Variants in CENPF observed in about 807,000 individuals in gnomAD.
CENPF encodes AH antigen.
A neutral mutation model predicts 307.3 loss-of-function variants in CENPF; 214 were observed. The observed-to-expected ratio is 0.70, with a 90% CI of 0.62 to 0.78. CENPF has a LOEUF of 0.78. CENPF is among the 30% of genes least tolerant of loss of function. CENPF has a pLI of 0.00. For missense variants in CENPF, 3,401 were observed against 3,483.9 expected (o/e 0.98, Z 0.60); for synonymous variants, 1,259 against 1,270.6 (o/e 0.99, Z 0.19).
At chr1:214,625,004 G>A (rs888429540) in intron 7 of CENPF, among the ~76,000 whole-genome samples, 2 of 151,702 alleles carry the variant, frequency 1.3e-5, no homozygotes, top group Admixed American at 6.6e-5. Context: ...TGTCTTGGTG[G>A]ATTGACCCTT....
rs748962680 is a variant in CENPF, at chr1:214,640,533, T to A, written c.2195T>A (p.Val732Asp). 3.1e-6 allele frequency: 5 copies of A among 1,614,032 alleles called. No homozygotes were observed. The African/African-American group carries it at 6.7e-5, about 22-fold the overall frequency. ...CLKTSQLTGQ[V>D]EDLEHKLQLL... ...AAGACTTCTCAGCTTACTGGGCAAG[T>A]TGAAGATCTAGAACACAAGCTTCAG... The change falls in exon 12 of 20, where the codon GTT (valine) becomes GAT (aspartate). Residue 732 changes from valine (V) to aspartate (D), a missense_variant. Coordinates refer to ENST00000366955, the MANE Select transcript of CENPF (RefSeq NM_016343.4).
In CENPF at chr1:214,613,715, T is replaced by A; in HGVS notation, c.-40T>A. On this transcript the variant is annotated splice_region_variant and 5_prime_UTR_variant, in exon 2 of 20. Coordinates refer to ENST00000366955, the MANE Select transcript of CENPF (RefSeq NM_016343.4). ...CAACAGTCTGGTTATTCTTTTCAGT[T>A]TATTTACAAATGTTGGAGTAATAAA... 1 of 1,544,928 alleles carries A rather than the reference T, an allele frequency of 6.5e-7. No homozygotes were observed. The highest frequency in any genetic ancestry group is 8.7e-7 in the Non-Finnish European group (1 of 1,148,082).
chr1:214,641,468 A>G lies in CENPF; in HGVS notation c.3130A>G (p.Lys1044Glu). 1 of 1,539,274 alleles carries G rather than the reference A, an allele frequency of 6.5e-7. No homozygotes were observed. Among genetic ancestry groups the G allele is most frequent in the Non-Finnish European group, 8.7e-7 (1 of 1,151,970 alleles). The change falls in exon 12 of 20, where the codon AAA (lysine) becomes GAA (glutamate). Residue 1044 changes from lysine to glutamate, a missense_variant. Physicochemically the swap from Lys to Glu is moderately conservative, Grantham distance 56. Coordinates refer to ENST00000366955, the MANE Select transcript of CENPF (RefSeq NM_016343.4). Reference sequence around the variant, plus strand: ...ATATGAGGATCTTAGTCAAAAATACAAAGCAGCACAGGAAAAGAATTCTAA... The same window carrying G: ...ATATGAGGATCTTAGTCAAAAATACGAAGCAGCACAGGAAAAGAATTCTAA... ...NAYEDLSQKY[K>E]AAQEKNSKLE...
chr1:214,642,519 CA>C lies in CENPF; in HGVS notation c.4182del (p.Leu1395CysfsTer34). ...LDESNSYEHL[T>X]LSDKEVQMHF... is the part of the protein sequence containing the mutation. Reference sequence around the variant, plus strand: ...GAGAGTAATTCCTACGAGCACTTGACATTGTCAGACAAAGAAGTTCAAATGC... The same window carrying C: ...GAGAGTAATTCCTACGAGCACTTGACTTGTCAGACAAAGAAGTTCAAATGC... On this transcript the variant is annotated frameshift_variant, in exon 12 of 20. Transcript: ENST00000366955. LOFTEE classifies it high-confidence loss of function. 6.2e-7 allele frequency: 1 copy of C among 1,612,258 alleles called. No homozygotes were observed. Among genetic ancestry groups the C allele is most frequent in the Non-Finnish European group, 8.5e-7 (1 of 1,179,182 alleles).
At chr1:214,634,896 G>A (rs1040760489) in intron 10 of CENPF, among the ~76,000 whole-genome samples, 1 of 152,130 alleles carries the variant, frequency 6.6e-6, no homozygotes, top group South Asian at 2.1e-4. Flanking sequence ...AATTTTCCTT[G>A]TCTGTGTTTA....
intron 17 of CENPF, among the ~76,000 whole-genome samples, chr1:214,655,695 A>G (rs1658613081): frequency 6.6e-6 from 1 of 152,014 alleles, no homozygotes; most frequent in South Asian, 2.1e-4. Context: ...CCTCAAAGCG[A>G]TCCTCCCACC....
chr1:214,607,681 C>T (rs1041003106), intron 1 of CENPF, among the ~76,000 whole-genome samples: 10 of 152,212 alleles, frequency 6.6e-5, no homozygotes, highest in Non-Finnish European at 1.0e-4. Context: ...GAGGCCCACC[C>T]GGGTCTCCTC....
intron 3 of CENPF, among the ~76,000 whole-genome samples, chr1:214,617,001 T>C (rs1216191178): frequency 8.1e-6 from 1 of 123,830 alleles, no homozygotes; most frequent in Non-Finnish European, 1.8e-5. Flanking sequence ...TCTCTTTCTC[T>C]CTTTCTTTCT....
In CENPF at chr1:214,652,946, T is replaced by A; in HGVS notation, c.8279T>A (p.Leu2760Ter). ...KSSKEELNNS[L>*]KATTQILEEL... Reference sequence around the variant, plus strand: ...AGTAAAGAAGAGCTCAATAATTCATTGAAAGCTACTACTCAGATTTTGGAA... The same window carrying A: ...AGTAAAGAAGAGCTCAATAATTCATAGAAAGCTACTACTCAGATTTTGGAA... Residue 2760 changes from leucine to a stop codon, truncating the protein, a stop_gained, in exon 16 of 20, where the codon TTG becomes TAG. Transcript: ENST00000366955. LOFTEE classifies it high-confidence loss of function. 6.2e-7 allele frequency: 1 copy of A among 1,606,704 alleles called. No individual in the cohort carries two copies. Among genetic ancestry groups the A allele is most frequent in the Non-Finnish European group, 8.5e-7 (1 of 1,177,974 alleles).
Position 214,657,059 on chromosome 1 carries a change from A to G in CENPF, c.8612A>G (p.His2871Arg), listed in dbSNP as rs149345652. 6.2e-6 allele frequency: 10 copies of G among 1,614,078 alleles called. No individual in the cohort carries two copies. The African/African-American group carries it at 6.7e-5, about 11-fold the overall frequency. ...AAGTACTGTTCCTTGCTTATAAGCC[A>G]TGAAAAGTTAGAGAAAGCTAAAGAG... ...LDKYCSLLIS[H>R]EKLEKAKEML... Residue 2871 changes from histidine to arginine, a missense_variant, in exon 18 of 20, where the codon CAT (histidine) becomes CGT (arginine). Coordinates refer to ENST00000366955, the MANE Select transcript of CENPF (RefSeq NM_016343.4).
intron 7 of CENPF, among the ~76,000 whole-genome samples, chr1:214,626,486 A>C (rs1376690060): frequency 6.6e-6 from 1 of 152,204 alleles, no homozygotes; most frequent in Non-Finnish European, 1.5e-5. Context: ...GATTGATTAG[A>C]TATATAAAGG....
At chr1:214,639,297 C>T (rs991214320) in intron 11 of CENPF, among the ~76,000 whole-genome samples, 4 of 152,178 alleles carry the variant, frequency 2.6e-5, no homozygotes, top group Non-Finnish European at 1.5e-5. Context: ...TTCCAAATGA[C>T]TGTGACATTC....
intron 16 of CENPF, 182 bp downstream of exon 16, chr1:214,653,171 T>C (rs1421966453): frequency 4.9e-6 from 3 of 615,690 alleles, no homozygotes; most frequent in East Asian, 3.1e-5. Context: ...TCATCTACAG[T>C]CTCATAGCTT....
In CENPF at chr1:214,659,114, A is replaced by C; in HGVS notation, c.9141+86A>C. On this transcript the variant is annotated intron_variant, in intron 19 of 19. Transcript: ENST00000366955. This position sits in a 1 kb window ranked among gnomAD's most constrained non-coding sequence, Gnocchi z 4.4. ...GTGAGGATTGGACACTGCACCCCCG[A>C]TTCAGGAGCGCTTTCAAAAAGTCTG... 1 of 1,409,126 alleles carries C rather than the reference A, an allele frequency of 7.1e-7. No homozygotes were observed. The highest frequency in any genetic ancestry group is 9.8e-7 in the Non-Finnish European group (1 of 1,024,428). 87.3% of individuals were successfully genotyped at this position (1,409,126 alleles called of 1,614,324 possible).
At chr1:214,630,801 G>A (rs1657787658) in intron 9 of CENPF, 139 bp downstream of exon 9, 2 of 1,115,586 alleles carry the variant, frequency 1.8e-6, no homozygotes, top group Non-Finnish European at 2.5e-6. Flanking sequence ...AGTGGAGAAT[G>A]TACAGAACCA....
In CENPF at chr1:214,664,034, A is replaced by C; in HGVS notation, c.*240A>C. On this transcript the variant is annotated 3_prime_UTR_variant, in exon 20 of 20. Coordinates refer to ENST00000366955, the MANE Select transcript of CENPF (RefSeq NM_016343.4). ...ACTGCAATGTAAATAGTATAAAGCT[A>C]TGTATATAAAGCTTTTTGGTAATAT... is the stretch of plus-strand genomic sequence containing the variant. 3 of 431,490 alleles carry C rather than the reference A, an allele frequency of 7.0e-6. No homozygotes were observed. The highest frequency in any genetic ancestry group is 4.6e-5 in the South Asian group (1 of 21,642). The allele number at this position is 431,490 out of a possible 1,614,324, so 26.7% of individuals were successfully genotyped here.
rs371121070 is a variant in CENPF at position 214,614,848 on chromosome 1, C to A, written c.179C>A (p.Thr60Asn). 7.0e-6 allele frequency: 11 copies of A among 1,575,682 alleles called. No homozygotes were observed. Among genetic ancestry groups the A allele is most frequent in the Admixed American group, 2.0e-5 (1 of 51,064 alleles). ...KQKQKVENEK[T>N]EGTNLKRENQ... ...TCTCATTAGGTTGAAAATGAAAAAA[C>A]CGAGGGTACAAACCTGAAAAGGGAG... Residue 60 changes from threonine to asparagine, a missense_variant, in exon 3 of 20, where the codon ACC (threonine) becomes AAC (asparagine). Transcript: ENST00000366955.
chr1:214,636,498 T>C (rs934620760), intron 10 of CENPF, among the ~76,000 whole-genome samples: 1 of 151,824 alleles, frequency 6.6e-6, no homozygotes, highest in Admixed American at 6.6e-5. Context: ...CTACAACAGG[T>C]TCTGTCTTAT....
At chr1:214,623,492 C>T (rs915926385) in intron 7 of CENPF, among the ~76,000 whole-genome samples, 18 of 152,128 alleles carry the variant, frequency 1.2e-4, no homozygotes, top group Non-Finnish European at 5.9e-5. Context: ...TGTACACCCA[C>T]CACTGAATCT....
Sources: gnomAD v4.1 joint callset for allele counts (sites outside exome capture counted in the v4.1 genomes callset) on GRCh38, gnomAD v4.1.1 for gene constraint, Gnocchi (gnomAD v3.1) non-coding constraint, MANE v1.5 for transcripts, NCBI Gene and HGNC (gene_info 2026-07-23, HGNC 2026-07-21) for gene names.